ITGB1: variants seen among roughly 807,000 people sequenced by gnomAD.
The protein encoded by ITGB1 is integrin beta-1.
Under a neutral mutation model 86.5 loss-of-function variants are expected in ITGB1, and 24 were observed. That is an observed-to-expected ratio of 0.28 (90% CI 0.20 to 0.39). The LOEUF (loss-of-function observed/expected upper bound fraction) is 0.39. Among genes scored for constraint, ITGB1 ranks in the 10% least tolerant of loss-of-function variants. The pLI is 1.00. For missense variants in ITGB1, 556 were observed against 946.9 expected, an observed-to-expected ratio of 0.59 and a Z score of 5.42; for synonymous variants, 323 against 316.8, an observed-to-expected ratio of 1.02 and a Z score of -0.21.
At chr10:32,915,215 A>T (rs1466854436) in intron 11 of ITGB1, among the ~76,000 whole-genome samples, 2 of 152,234 alleles carry the variant, frequency 1.3e-5, no homozygotes, top group Non-Finnish European at 2.9e-5. Flanking sequence ...AGAAAGCAGG[A>T]AAGATCTAAA....
chr10:32,922,534 C>T (rs1003200933), intron 8 of ITGB1, 106 bp downstream of exon 8: 12 of 785,344 alleles, frequency 1.5e-5, no homozygotes, highest in African/African-American at 1.1e-4. Flanking sequence ...TTGTAAAATT[C>T]GGTTTGCCTA....
chr10:32,939,710 G>A (rs1236475524), intron 1 of ITGB1, among the ~76,000 whole-genome samples: 3 of 136,588 alleles, frequency 2.2e-5, no homozygotes, highest in African/African-American at 8.0e-5. Context: ...TGCTCTGGAT[G>A]GCTGGGTGGG....
intron 5 of ITGB1, among the ~76,000 whole-genome samples, chr10:32,926,853 G>A (rs952297338): frequency 2.0e-5 from 3 of 152,090 alleles, no homozygotes; most frequent in African/African-American, 7.2e-5. Flanking sequence ...CCCAGAAGAG[G>A]GACCTCACCA....
chr10:32,940,877 TC>T (rs1395412087), intron 1 of ITGB1, among the ~76,000 whole-genome samples: 1 of 152,192 alleles, frequency 6.6e-6, no homozygotes, highest in Non-Finnish European at 1.5e-5. Context: ...TCTACTGGTT[TC>T]CCCCTGCCTT....
chr10:32,932,636 G>A, intron 2 of ITGB1, 36 bp from the exon 3 acceptor site: 1 of 1,145,316 alleles, frequency 8.7e-7, no homozygotes, highest in African/African-American at 1.5e-5. Flanking sequence ...CATTTTATGT[G>A]AAGTGTCAGA....
Position 32,929,929 on chromosome 10 carries a change from T to G in ITGB1, c.269A>C (p.Lys90Thr). 1 of 1,593,934 alleles carries G rather than the reference T, an allele frequency of 6.3e-7. No individual in the cohort carries two copies. The highest frequency in any genetic ancestry group is 8.6e-7 in the Non-Finnish European group (1 of 1,161,538). The change falls in exon 4 of 16, where the codon AAG becomes ACG. Residue 90 changes from lysine to threonine, a missense_variant. By Grantham distance (78) the Lys-to-Thr change is moderately conservative (BLOSUM62 -1). Coordinates refer to ENST00000302278, the MANE Select transcript of ITGB1 (RefSeq NM_002211.4). ...IENPRGSKDI[K>T]KNKNVTNRSK... ...ACGGTTGGTTACATTTTTATTTTTC[T>G]TTATATCTTTGGAGCCTCTGGGATT...
At chr10:32,903,476 G>A (rs2094887962) in intron 15 of ITGB1, among the ~76,000 whole-genome samples, 1 of 150,310 alleles carries the variant, frequency 6.7e-6, no homozygotes, top group African/African-American at 2.4e-5. Context: ...CATCCTGTAG[G>A]TATCCCATAC....
In ITGB1 at chr10:32,928,253, T is replaced by C; in HGVS notation, c.388A>G (p.Thr130Ala). ...GCTCTCTTGAATTTTAATGTAAATG[T>C]CTGTGGCTCCCCTAATTAGACAAGA... ...VLRLRSGEPQ[T>A]FTLKFKRAED... is the part of the protein sequence containing the mutation. Residue 130 changes from threonine (T) to alanine (A), a missense_variant, in exon 5 of 16, where the codon ACA becomes GCA. This residue lies in a region of ITGB1 where 183 missense variants were observed against 263.9 expected (regional missense o/e 0.69). Transcript: ENST00000302278. The C allele has an allele frequency of 3.4e-6, 3 of 873,252 alleles. No individual in the cohort carries two copies. Among genetic ancestry groups the C allele is most frequent in the Non-Finnish European group, 5.9e-6 (3 of 512,010 alleles). 54.1% of individuals were successfully genotyped at this position (873,252 alleles called of 1,614,324 possible). A position where few individuals can be genotyped will look rare whatever the true frequency, so the allele number is the denominator to read the frequency against.
At position 32,901,334 on chromosome 10, in the gene ITGB1, C is replaced by A; in HGVS notation, c.*236G>T. The A allele has an allele frequency of 4.7e-6, 2 of 421,372 alleles. No homozygotes were observed. Among genetic ancestry groups the A allele is most frequent in the East Asian group, 3.8e-5 (1 of 26,144 alleles). 26.1% of individuals were successfully genotyped at this position (421,372 alleles called of 1,614,324 possible). Reference sequence around the variant, plus strand: ...CCAGGAAGAAAAGGTCAAAAAGGCACAATGTGACCTTAGCTGACAAGAGTA... The same window carrying A: ...CCAGGAAGAAAAGGTCAAAAAGGCAAAATGTGACCTTAGCTGACAAGAGTA... On this transcript the variant is annotated 3_prime_UTR_variant, in exon 16 of 16. Coordinates refer to ENST00000302278, the MANE Select transcript of ITGB1 (RefSeq NM_002211.4).
chr10:32,930,080 T>C (rs2256455), intron 3 of ITGB1, 36 bp from the exon 4 acceptor site: 1 of 828,818 alleles, frequency 1.2e-6, no homozygotes, highest in Non-Finnish European at 2.1e-6. Flanking sequence ...TAAATGAAAA[T>C]TGTAATGGTC....
chr10:32,913,457 C>CCT (rs1212785220), intron 11 of ITGB1, among the ~76,000 whole-genome samples: 1 of 152,020 alleles, frequency 6.6e-6, no homozygotes, highest in African/African-American at 2.4e-5. Flanking sequence ...GAATAAAGAG[C>CCT]GTAGAGAAGA....
rs5784310 is a variant in ITGB1 at position 32,905,043 on chromosome 10, TAA to T, written c.2331+3323_2331+3324del. On this transcript the variant is annotated intron_variant, in intron 15 of 15. Transcript: ENST00000302278. ...TACAACTAAAGAAAAAAATATGTAT[TAA>T]AAAAAAAAAAAAGCCTGGCAATGTC... 2.4e-3 allele frequency among the ~76,000 whole-genome samples: 345 copies of T among 142,306 alleles called. 1 individual carries two copies. Among genetic ancestry groups the T allele is most frequent in the Middle Eastern group, 7.1e-3 (2 of 280 alleles). The allele number at this position is 142,306 out of a possible 152,430, so 93.4% of individuals were successfully genotyped here.
At chr10:32,907,442 TA>T (rs1238726577) in intron 15 of ITGB1, among the ~76,000 whole-genome samples, 7 of 152,342 alleles carry the variant, frequency 4.6e-5, no homozygotes, top group African/African-American at 1.4e-4. Flanking sequence ...CACTCAATGC[TA>T]ACATAACCTT....
intron 11 of ITGB1, among the ~76,000 whole-genome samples, chr10:32,912,848 T>C (rs748570113): frequency 4.6e-5 from 7 of 152,180 alleles, no homozygotes; most frequent in Non-Finnish European, 1.0e-4. Flanking sequence ...CATCTGAGAA[T>C]GGACAGACTG....
chr10:32,917,388 C>T (rs972708111), intron 11 of ITGB1, among the ~76,000 whole-genome samples: 7 of 152,162 alleles, frequency 4.6e-5, no homozygotes, highest in Non-Finnish European at 1.0e-4. Flanking sequence ...AAGAAACTGC[C>T]ATCAGAGTGA....
Position 32,910,206 on chromosome 10 carries a change from A to T in ITGB1, c.2164+17T>A. The T allele has an allele frequency of 6.5e-7, 1 of 1,549,510 alleles. No homozygotes were observed. The highest frequency in any genetic ancestry group is 8.9e-7 in the Non-Finnish European group (1 of 1,121,702). On this transcript the variant is annotated intron_variant, in intron 14 of 15. Transcript: ENST00000302278. ...TACAAGATATGAAAAGAATGTCTGC[A>T]ATCATCGCATTTCTACCTGGATTCT...
chr10:32,951,195 G>T (rs530481182), intron 1 of ITGB1, among the ~76,000 whole-genome samples: 2 of 152,152 alleles, frequency 1.3e-5, no homozygotes, highest in African/African-American at 4.8e-5. Flanking sequence ...ATCTCAAATA[G>T]ATCTTGACAG....
Position 32,920,269 on chromosome 10 carries a change from A to G in ITGB1, c.1245T>C (p.Cys415=). 3 of 1,613,648 alleles carry G rather than the reference A, an allele frequency of 1.9e-6. No homozygotes were observed. The highest frequency in any genetic ancestry group is 2.5e-6 in the Non-Finnish European group (3 of 1,179,694). The change falls in exon 10 of 16, where the codon TGT becomes TGC. Residue 415 remains cysteine, a synonymous_variant. Transcript: ENST00000302278. ...CCTCATCTCCAATGGAAATATTGGAACATTTTCTTCCATTTTCCCCTGTTC... is the reference window on the plus strand; with the variant it reads ...CCTCATCTCCAATGGAAATATTGGAGCATTTTCTTCCATTTTCCCCTGTTC... The part of the protein sequence containing the change: ...VNGTGENGRK[C]SNISIGDEVQ...
intron 15 of ITGB1, among the ~76,000 whole-genome samples, chr10:32,906,830 A>G (rs1345019717): frequency 6.6e-6 from 1 of 152,212 alleles, no homozygotes; most frequent in Non-Finnish European, 1.5e-5. Flanking sequence ...CTGAGGTCTA[A>G]CTGATTGCAA....
Sources: allele counts gnomAD v4.1 joint callset (sites outside exome capture counted in the v4.1 genomes callset), GRCh38; gene constraint gnomAD v4.1.1; regional missense constraint gnomAD v4.1.1; transcripts MANE v1.5; gene names NCBI Gene and HGNC (gene_info 2026-07-23, HGNC 2026-07-21).